CSE1L: variants seen among roughly 807,000 people sequenced by gnomAD.
CSE1L encodes exportin-2.
A neutral mutation model predicts 120.4 loss-of-function variants in CSE1L; 24 were observed. That is an observed-to-expected ratio of 0.20 (90% CI 0.14 to 0.28). The LOEUF (loss-of-function observed/expected upper bound fraction) is 0.28, where lower values mean the gene tolerates loss of function less well. CSE1L is among the 10% of genes least tolerant of loss of function. CSE1L has a pLI of 1.00. For missense variants in CSE1L, 830 were observed against 1,145.2 expected (o/e 0.72, Z 3.97); for synonymous variants, 402 against 398.3 (o/e 1.01, Z -0.11).
At chr20:49,068,944 A>C in intron 7 of CSE1L, 122 bp downstream of exon 7, 1 of 680,382 alleles carries the variant, frequency 1.5e-6, no homozygotes, top group Non-Finnish European at 2.5e-6. Context: ...GTTTTTTCTG[A>C]CTCTATTTAT....
chr20:49,048,145 T>C (rs1158242651), intron 1 of CSE1L, among the ~76,000 whole-genome samples: 1 of 133,366 alleles, frequency 7.5e-6, no homozygotes, highest in East Asian at 2.0e-4. Flanking sequence ...TGTGTCTCTC[T>C]CTTTTTTTTT....
chr20:49,062,429 GC>G (rs2091859850), intron 2 of CSE1L, among the ~76,000 whole-genome samples: 2 of 152,150 alleles, frequency 1.3e-5, no homozygotes, highest in Admixed American at 1.3e-4. Flanking sequence ...ATACTGTACT[GC>G]CATCACATGT....
At chr20:49,063,379 G>C in intron 3 of CSE1L, 35 bp downstream of exon 3, 1 of 1,343,138 alleles carries the variant, frequency 7.4e-7, no homozygotes. Context: ...TTAATACCCT[G>C]TATGTTTATA....
chr20:49,063,314 CA>C lies in CSE1L; in HGVS notation c.203del (p.Asn68ThrfsTer29). Reference protein sequence around the residue: ...VIKVCASVTFKNYIKRNWRIV... With the variant: ...VIKVCASVTFXNYIKRNWRIV... ...TCAAAGTATGTGCTTCAGTAACATT[CA>C]AAAACTATATTAAAAGGAACTGGAG... is the stretch of plus-strand genomic sequence containing the variant. On this transcript the variant is annotated frameshift_variant, in exon 3 of 25. Coordinates refer to ENST00000262982, the MANE Select transcript of CSE1L (RefSeq NM_001316.4). LOFTEE classifies it high-confidence loss of function. The C allele has an allele frequency of 6.6e-7, 1 of 1,520,540 alleles. No homozygotes were observed. Among genetic ancestry groups the C allele is most frequent in the Non-Finnish European group, 8.9e-7 (1 of 1,124,598 alleles). 94.2% of individuals were successfully genotyped at this position (1,520,540 alleles called of 1,614,324 possible). A position where few individuals can be genotyped will look rare whatever the true frequency, so the allele number is the denominator to read the frequency against.
intron 10 of CSE1L, among the ~76,000 whole-genome samples, chr20:49,074,176 AGTGTGTGTGT>A (rs71184254): frequency 0.032 from 3,727 of 115,414 alleles, 58 homozygotes; most frequent in African/African-American, 0.052. Flanking sequence ...ATACAACTGC[AGTGTGTGTGT>A]GTGTGTGTGT....
intron 7 of CSE1L, among the ~76,000 whole-genome samples, chr20:49,069,926 G>C (rs2091919896): frequency 6.6e-6 from 1 of 152,212 alleles, no homozygotes; most frequent in South Asian, 2.1e-4. Flanking sequence ...AGCTTTGTAA[G>C]GAAAGTCTTC....
chr20:49,052,538 T>C (rs1202576245), intron 1 of CSE1L, among the ~76,000 whole-genome samples: 2 of 152,144 alleles, frequency 1.3e-5, no homozygotes, highest in East Asian at 3.9e-4. Context: ...GCCTGGAATG[T>C]AGCAAGAGCC....
chr20:49,059,551 A>C (rs1455598341), intron 2 of CSE1L, among the ~76,000 whole-genome samples: 1 of 152,144 alleles, frequency 6.6e-6, no homozygotes, highest in East Asian at 1.9e-4. Context: ...ATTTATATGA[A>C]GTGCCCTCAT....
At chr20:49,072,151 A>G (rs1018097512) in intron 8 of CSE1L, 135 bp from the exon 9 acceptor site, 3 of 864,228 alleles carry the variant, frequency 3.5e-6, no homozygotes, top group East Asian at 5.2e-5. Flanking sequence ...TGGTGGTGGC[A>G]TAGCTGTAGT....
chr20:49,091,292 G>T (rs183580056), intron 21 of CSE1L, among the ~76,000 whole-genome samples: 18 of 151,932 alleles, frequency 1.2e-4, no homozygotes, highest in Admixed American at 9.8e-4. Flanking sequence ...AGGCATGGTG[G>T]CATGTGCCTG....
At position 49,056,781 on chromosome 20, in the gene CSE1L, A is replaced by C. The variant is rs145116867; in HGVS notation, c.-11-1672A>C. Reference sequence around the variant, plus strand: ...AAAATTGTATATATTTGTGGTATGCATGTTTTGAAATATGTATACATTGTA... The same window carrying C: ...AAAATTGTATATATTTGTGGTATGCCTGTTTTGAAATATGTATACATTGTA... On this transcript the variant is annotated intron_variant, in intron 1 of 24. Transcript: ENST00000262982. 5.6e-3 allele frequency among the ~76,000 whole-genome samples: 851 copies of C among 151,752 alleles called. 10 individuals are homozygous for C. Among genetic ancestry groups the C allele is most frequent in the African/African-American group, 0.019 (798 of 41,342 alleles).
At chr20:49,075,172 T>C (rs1233666741) in intron 11 of CSE1L, 146 bp from the exon 12 acceptor site, 3 of 635,678 alleles carry the variant, frequency 4.7e-6, no homozygotes, top group East Asian at 2.8e-5. Flanking sequence ...CTGATAGCTA[T>C]TGGGTGGCCC....
At chr20:49,047,560 TTTTC>T (rs1257685061) in intron 1 of CSE1L, among the ~76,000 whole-genome samples, 5 of 109,670 alleles carry the variant, frequency 4.6e-5, no homozygotes, top group Non-Finnish European at 7.4e-5. Context: ...TTCTTTTCTC[TTTTC>T]TTTTTTTTTT....
chr20:49,053,420 G>A (rs144702503), intron 1 of CSE1L, among the ~76,000 whole-genome samples: 2 of 126,964 alleles, frequency 1.6e-5, no homozygotes, highest in African/African-American at 3.1e-5. Context: ...GTGCAATGGC[G>A]CAATCTCGCC....
rs2091907142 is a variant in CSE1L, at chr20:49,068,048, C to T, written c.568-667C>T. 2.0e-5 allele frequency among the ~76,000 whole-genome samples: 3 copies of T among 150,788 alleles called. No homozygotes were observed. The South Asian group carries it at 6.3e-4, about 32-fold the overall frequency. Reference sequence around the variant, plus strand: ...GGGATTACAGCCTGTGCCACTGGGCCTGGCCAGTAAAACCTGTTAATCGCA... The same window carrying T: ...GGGATTACAGCCTGTGCCACTGGGCTTGGCCAGTAAAACCTGTTAATCGCA... On this transcript the variant is annotated intron_variant, in intron 6 of 24. Transcript: ENST00000262982.
intron 1 of CSE1L, among the ~76,000 whole-genome samples, chr20:49,047,545 TCTTTTTCTTTTCTCTTTTC>T (rs1339805219): frequency 2.7e-5 from 4 of 147,996 alleles, no homozygotes; most frequent in Non-Finnish European, 4.5e-5. Flanking sequence ...GTTTTCTTTT[TCTTTTTCTTTTCTCTTTTC>T]TTTTTTTTTT....
chr20:49,065,020 G>A (rs1292662924), intron 3 of CSE1L, among the ~76,000 whole-genome samples: 1 of 151,388 alleles, frequency 6.6e-6, no homozygotes, highest in African/African-American at 2.4e-5. Flanking sequence ...AGCCAGGTGT[G>A]GTCGTGTGTG....
intron 14 of CSE1L, 152 bp downstream of exon 14, chr20:49,078,774 A>G (rs1445062849): frequency 3.9e-6 from 2 of 513,944 alleles, no homozygotes; most frequent in African/African-American, 2.0e-5. Flanking sequence ...ACCATGCTTA[A>G]TTTTCCTCAG....
intron 2 of CSE1L, among the ~76,000 whole-genome samples, chr20:49,061,765 A>C (rs1311436018): frequency 1.3e-5 from 2 of 150,828 alleles, no homozygotes; most frequent in African/African-American, 2.4e-5. Context: ...GGCCTCCCAT[A>C]GTGCTGGGAT....
Sources: gnomAD v4.1 joint callset for allele counts (sites outside exome capture counted in the v4.1 genomes callset) on GRCh38, gnomAD v4.1.1 for gene constraint, MANE v1.5 for transcripts, NCBI Gene and HGNC (gene_info 2026-07-23, HGNC 2026-07-21) for gene names.